Variants in HELZ observed in about 807,000 individuals in gnomAD.
HELZ encodes helicase with zinc finger.
HELZ carries 23 observed loss-of-function variants against 218.2 expected under a neutral mutation model. The ratio of observed to expected loss-of-function variants is 0.11; its 90% CI spans 0.08 to 0.15. The LOEUF (loss-of-function observed/expected upper bound fraction) is 0.15. Ranked by LOEUF, HELZ falls within the 10% of genes least tolerant of loss-of-function variation. The pLI is 1.00. For synonymous variants in HELZ, 814 were observed against 829.4 expected (o/e 0.98, Z 0.32); for missense variants, 1,813 against 2,353.7 (o/e 0.77, Z 4.75).
chr17:67,209,927 T>C (rs753611767), intron 5 of HELZ, among the ~76,000 whole-genome samples: 1 of 152,152 alleles, frequency 6.6e-6, no homozygotes, highest in Non-Finnish European at 1.5e-5. Context: ...ATCAAAACTC[T>C]TCTGAGGGCC....
intron 5 of HELZ, among the ~76,000 whole-genome samples, chr17:67,207,104 G>A (rs528923988): frequency 2.7e-5 from 4 of 146,112 alleles, no homozygotes; most frequent in African/African-American, 7.7e-5. Flanking sequence ...TAGAGACGGC[G>A]GTTCTCCATG....
intron 9 of HELZ, among the ~76,000 whole-genome samples, chr17:67,191,515 G>A (rs1312800978): frequency 1.3e-5 from 2 of 151,946 alleles, no homozygotes; most frequent in Middle Eastern, 3.2e-3. Flanking sequence ...GCAGTGGCAC[G>A]ATCTCGGCTC....
In HELZ at chr17:67,123,049, A is replaced by G. The variant is rs1479488174; in HGVS notation, c.3551T>C (p.Ile1184Thr). The G allele has an allele frequency of 6.2e-7, 1 of 1,613,634 alleles. No individual in the cohort carries two copies. The highest frequency in any genetic ancestry group is 8.5e-7 in the Non-Finnish European group (1 of 1,179,544). ...LGKSPSPVQR[I>T]DPHTGTSILY... The stretch of plus-strand genomic sequence containing the variant: ...AATACTTGTCCCAGTGTGAGGATCT[A>G]TTCTTTGAACAGGGCTTGGAGATTT... Residue 1184 changes from isoleucine to threonine, a missense_variant, in exon 26 of 33, where the codon ATA becomes ACA. Around this residue, in one of 4 missense-constraint regions of HELZ, gnomAD observed 938 missense variants for 1,027.5 expected, o/e 0.91. Transcript: ENST00000358691.
intron 28 of HELZ, among the ~76,000 whole-genome samples, chr17:67,112,132 A>T (rs1324962524): frequency 6.6e-6 from 1 of 152,168 alleles, no homozygotes; most frequent in East Asian, 1.9e-4. Flanking sequence ...TCAGAATCAG[A>T]TTCTCCTCTA....
intron 3 of HELZ, among the ~76,000 whole-genome samples, chr17:67,232,731 T>C (rs1229831661): frequency 6.6e-6 from 1 of 152,220 alleles, no homozygotes; most frequent in Non-Finnish European, 1.5e-5. Flanking sequence ...GATGAAACAA[T>C]ACTGAGAGCT....
Position 67,074,833 on chromosome 17 carries a change from CTAAACT to C in HELZ, c.*3413_*3418del, listed in dbSNP as rs974039783. 1 of 151,066 alleles carries C rather than the reference CTAAACT, an allele frequency of 6.6e-6. No individual in the cohort carries two copies. The highest frequency in any genetic ancestry group is 2.4e-5 in the African/African-American group (1 of 41,052). 9.4% of individuals were successfully genotyped at this position (151,066 alleles called of 1,614,324 possible). A position where few individuals can be genotyped will look rare whatever the true frequency, so the allele number is the denominator to read the frequency against. On this transcript the variant is annotated 3_prime_UTR_variant, in exon 33 of 33. Transcript: ENST00000358691. ...AGACCAGTTGATGTTTACATTAAAC[CTAAACT>C]TATTCTAAAATCTGATGATTTAAAA...
rs769038793 is a variant in HELZ, at chr17:67,189,687, A to G, written c.766T>C (p.Cys256Arg). 1.5e-5 allele frequency: 24 copies of G among 1,605,474 alleles called. No homozygotes were observed. Among genetic ancestry groups the G allele is most frequent in the African/African-American group, 2.7e-5 (2 of 74,738 alleles). The change falls in exon 11 of 33, where the codon TGT becomes CGT. Residue 256 changes from cysteine to arginine, a missense_variant. By Grantham distance (180) the Cys-to-Arg change is radical (BLOSUM62 -3). Around this residue, in one of 4 missense-constraint regions of HELZ, gnomAD observed 714 missense variants for 1,029.2 expected, o/e 0.69. Transcript: ENST00000358691. ...SLSPEKVLSE[C>R]IEGVKVEHNP... ...TGCTCTACCTTTACTCCTTCTATACATTCACTAAGCTGAAAACAGACAGCA... is the reference window on the plus strand; with the variant it reads ...TGCTCTACCTTTACTCCTTCTATACGTTCACTAAGCTGAAAACAGACAGCA...
At chr17:67,170,826 C>CA (rs71368805) in intron 13 of HELZ, among the ~76,000 whole-genome samples, 38,432 of 119,070 alleles carry the variant, frequency 0.32, 6,614 homozygotes, top group East Asian at 0.7. Context: ...GACTCCATCT[C>CA]AAAAAAAAAA....
At chr17:67,092,683 C>T (rs932438996) in intron 31 of HELZ, among the ~76,000 whole-genome samples, 12 of 152,104 alleles carry the variant, frequency 7.9e-5, no homozygotes, top group African/African-American at 2.4e-4. Context: ...GATAATCAAG[C>T]GGCCAGGCGC....
intron 27 of HELZ, among the ~76,000 whole-genome samples, chr17:67,115,717 T>C (rs1798244858): frequency 6.6e-6 from 1 of 151,992 alleles, no homozygotes; most frequent in Non-Finnish European, 1.5e-5. Flanking sequence ...TACAAAAATA[T>C]CTTTTAAAAA....
At chr17:67,089,647 T>TTTTATA (rs1555595322) in intron 31 of HELZ, among the ~76,000 whole-genome samples, 4 of 54,266 alleles carry the variant, frequency 7.4e-5, no homozygotes, top group African/African-American at 2.7e-4. Context: ...ATTGGAGATT[T>TTTTATA]TATATATATA....
At chr17:67,137,550 AAG>A (rs2038191274) in intron 22 of HELZ, among the ~76,000 whole-genome samples, 1 of 152,200 alleles carries the variant, frequency 6.6e-6, no homozygotes. Flanking sequence ...CATAATTTAA[AAG>A]AGTTGCTGTT....
chr17:67,111,307 G>C (rs1449938867), intron 28 of HELZ, among the ~76,000 whole-genome samples: 1 of 152,152 alleles, frequency 6.6e-6, no homozygotes, highest in Non-Finnish European at 1.5e-5. Context: ...CATAAGTGAT[G>C]ACAATGTGAA....
intron 3 of HELZ, among the ~76,000 whole-genome samples, chr17:67,235,613 C>T (rs1038032956): frequency 2.0e-5 from 3 of 152,070 alleles, no homozygotes; most frequent in Non-Finnish European, 4.4e-5. Context: ...ACTTGAGAAC[C>T]ACTCAGAGGA....
chr17:67,109,730 A>T (rs765424690), intron 28 of HELZ, 44 bp from the exon 29 acceptor site: 3 of 1,451,444 alleles, frequency 2.1e-6, no homozygotes, highest in Admixed American at 3.7e-5. Context: ...GAAGATTCAA[A>T]TTCAGTTGCT....
chr17:67,209,491 G>A (rs2040397774), intron 5 of HELZ, among the ~76,000 whole-genome samples: 1 of 152,104 alleles, frequency 6.6e-6, no homozygotes, highest in Non-Finnish European at 1.5e-5. Flanking sequence ...CCAACTACTT[G>A]GGAAGCTGAG....
intron 28 of HELZ, among the ~76,000 whole-genome samples, chr17:67,111,379 G>C (rs1036753056): frequency 2.6e-5 from 4 of 152,128 alleles, no homozygotes; most frequent in Non-Finnish European, 4.4e-5. Context: ...AACACTCCAT[G>C]CATTACTTGG....
At chr17:67,097,319 G>A (rs1323986349) in intron 31 of HELZ, among the ~76,000 whole-genome samples, 2 of 152,190 alleles carry the variant, frequency 1.3e-5, no homozygotes, top group African/African-American at 4.8e-5. Flanking sequence ...GGCGCTTATA[G>A]ACTTGCTCAA....
At chr17:67,186,767 G>T (rs2039766788) in intron 12 of HELZ, among the ~76,000 whole-genome samples, 1 of 152,142 alleles carries the variant, frequency 6.6e-6, no homozygotes, top group Non-Finnish European at 1.5e-5. Context: ...CAACCCACAT[G>T]TAAGCCAAGA....
Sources: gnomAD v4.1 joint callset for allele counts (sites outside exome capture counted in the v4.1 genomes callset) on GRCh38, gnomAD v4.1.1 for gene constraint, gnomAD v4.1.1 regional missense constraint, MANE v1.5 for transcripts, NCBI Gene and HGNC (gene_info 2026-07-23, HGNC 2026-07-21) for gene names.